The following IL19 variants were observed in gnomAD, a reference collection of about 807,000 sequenced individuals.
IL19 encodes interleukin-19.
In IL19, 15 loss-of-function variants were observed where a neutral mutation model predicts 19.5. That is an observed-to-expected ratio of 0.77 (90% CI 0.52 to 1.19). The LOEUF (loss-of-function observed/expected upper bound fraction) is 1.19. IL19 is among the 50% of genes most tolerant of loss of function. The pLI is 0.00. For synonymous variants in IL19, 78 were observed against 78.3 expected, an observed-to-expected ratio of 1.00 and a Z score of 0.02; for missense variants, 199 against 213.1, an observed-to-expected ratio of 0.93 and a Z score of 0.41.
chr1:206,800,995 T>A (rs116260461), intron 2 of IL19, among the ~76,000 whole-genome samples: 1 of 152,182 alleles, frequency 6.6e-6, no homozygotes, highest in Non-Finnish European at 1.5e-5. Flanking sequence ...ACCTCTGGCT[T>A]ATGGAGCGAG....
chr1:206,842,413 C>A, intron 6 of IL19, 114 bp from the exon 7 acceptor site: 2 of 654,074 alleles, frequency 3.1e-6, no homozygotes, highest in South Asian at 2.2e-5. Flanking sequence ...TATTTCGTGA[C>A]AAAAAAACAA....
chr1:206,821,560 A>G (rs946925778), intron 2 of IL19, among the ~76,000 whole-genome samples: 3 of 152,168 alleles, frequency 2.0e-5, no homozygotes, highest in African/African-American at 7.2e-5. Context: ...AATCCTCTGG[A>G]AGAGAAAGTG....
At chr1:206,835,691 T>G (rs763460583) in intron 2 of IL19, among the ~76,000 whole-genome samples, 1 of 152,246 alleles carries the variant, frequency 6.6e-6, no homozygotes, top group African/African-American at 2.4e-5. Context: ...GTGGGCACCA[T>G]GCAAAGTGCA....
chr1:206,815,269 A>C (rs542854684), intron 2 of IL19, among the ~76,000 whole-genome samples: 3 of 152,338 alleles, frequency 2.0e-5, no homozygotes, highest in South Asian at 2.1e-4. Context: ...GACCAAAAAA[A>C]CTTGGTTCTG....
intron 1 of IL19, among the ~76,000 whole-genome samples, chr1:206,780,269 G>C: frequency 6.6e-6 from 1 of 152,106 alleles, no homozygotes; most frequent in East Asian, 1.9e-4. Context: ...TCGAGGGCAG[G>C]GCCTGTATCT....
intron 2 of IL19, among the ~76,000 whole-genome samples, chr1:206,807,176 G>T (rs770604776): frequency 1.3e-5 from 2 of 152,150 alleles, no homozygotes; most frequent in African/African-American, 4.8e-5. Context: ...GCAGCATGGG[G>T]GTAACTGCTC....
chr1:206,780,806 G>A (rs1357624758), intron 1 of IL19, among the ~76,000 whole-genome samples: 2 of 152,114 alleles, frequency 1.3e-5, no homozygotes, highest in African/African-American at 4.8e-5. Context: ...GGGTTCTCTG[G>A]GCCTGCAGCA....
At chr1:206,828,055 ACTC>A (rs1340426470) in intron 2 of IL19, among the ~76,000 whole-genome samples, 1 of 9,728 alleles carries the variant, frequency 1.0e-4, no homozygotes, top group African/African-American at 2.9e-4. Flanking sequence ...GTGTGAGTCT[ACTC>A]TTTTAGTCTA....
intron 2 of IL19, among the ~76,000 whole-genome samples, chr1:206,831,805 C>T (rs570448984): frequency 3.3e-5 from 5 of 152,304 alleles, no homozygotes; most frequent in East Asian, 1.9e-4. Context: ...CCAGTACCAG[C>T]GATTATGGTA....
chr1:206,802,305 G>C (rs11119590), intron 2 of IL19, among the ~76,000 whole-genome samples: 4,224 of 152,202 alleles, frequency 0.028, 208 homozygotes, highest in African/African-American at 0.094. Flanking sequence ...CCTACAGTAA[G>C]TCAGTAGGTT....
chr1:206,802,666 ATTT>A (rs66469360), intron 2 of IL19, among the ~76,000 whole-genome samples: 1 of 148,814 alleles, frequency 6.7e-6, no homozygotes, highest in South Asian at 2.1e-4. Flanking sequence ...CAAATTTTCA[ATTT>A]TTTTTTTCTT....
intron 2 of IL19, among the ~76,000 whole-genome samples, chr1:206,820,956 A>G (rs1192306205): frequency 6.6e-6 from 1 of 152,170 alleles, no homozygotes; most frequent in African/African-American, 2.4e-5. Context: ...ACCTCTACCT[A>G]GGAGCCTTCC....
At chr1:206,808,481 G>A (rs1675910834) in intron 2 of IL19, among the ~76,000 whole-genome samples, 1 of 145,752 alleles carries the variant, frequency 6.9e-6, no homozygotes, top group Non-Finnish European at 1.5e-5. Flanking sequence ...GGAGAGGTAT[G>A]AAGGGAATTG....
chr1:206,788,226 G>A (rs533042237), intron 1 of IL19, among the ~76,000 whole-genome samples: 73 of 152,244 alleles, frequency 4.8e-4, no homozygotes, highest in African/African-American at 1.7e-3. Flanking sequence ...ACTGTATACT[G>A]TGTGCCCACC....
rs992223430 is a variant in IL19 at position 206,833,958 on chromosome 1, T to G, written c.-2-2703T>G. 4 of 985,462 alleles carry G rather than the reference T, an allele frequency of 4.1e-6. No homozygotes were observed. The Admixed American group carries it at 1.8e-4, about 45-fold the overall frequency. 61.0% of individuals were successfully genotyped at this position (985,462 alleles called of 1,614,324 possible). ...TGCAGCCAGAGGCACCTGCAGAGCC[T>G]CATGGGCTGGCTGCTGCAGGGTGTG... is the stretch of plus-strand genomic sequence containing the variant. On this transcript the variant is annotated intron_variant, in intron 2 of 6. Coordinates refer to ENST00000659997, the MANE Select transcript of IL19 (RefSeq NM_153758.5).
intron 1 of IL19, among the ~76,000 whole-genome samples, chr1:206,786,545 G>C (rs1279939272): frequency 6.6e-6 from 1 of 152,156 alleles, no homozygotes; most frequent in Non-Finnish European, 1.5e-5. Flanking sequence ...TGGGGCTGCT[G>C]TTTCATTTCA....
At chr1:206,821,972 A>G (rs1248991707) in intron 2 of IL19, among the ~76,000 whole-genome samples, 2 of 152,240 alleles carry the variant, frequency 1.3e-5, no homozygotes, top group African/African-American at 4.8e-5. Context: ...TGGGGTAGTC[A>G]GAAGCTGACA....
chr1:206,842,577 T>C lies in IL19; in HGVS notation c.489T>C (p.Phe163=), dbSNP rs748827538. The part of the protein sequence containing the change: ...AIKSLGELDV[F]LAWINKNHEV... ...AATCCCTGGGAGAGCTCGACGTCTTTCTAGCCTGGATTAATAAGAATCATG... is the reference window on the plus strand; with the variant it reads ...AATCCCTGGGAGAGCTCGACGTCTTCCTAGCCTGGATTAATAAGAATCATG... Residue 163 remains phenylalanine, a synonymous_variant, in exon 7 of 7, where the codon TTT becomes TTC. Transcript: ENST00000659997. 1.6e-5 allele frequency: 26 copies of C among 1,577,182 alleles called. No homozygotes were observed. The highest frequency in any genetic ancestry group is 2.2e-5 in the Non-Finnish European group (26 of 1,159,424).
At chr1:206,792,481 G>A (rs189333771) in intron 1 of IL19, among the ~76,000 whole-genome samples, 151 of 152,064 alleles carry the variant, frequency 9.9e-4, no homozygotes, top group African/African-American at 3.5e-3. Context: ...TTCTGAGATG[G>A]AGTCTTGCTC....
Sources: allele counts gnomAD v4.1 joint callset (sites outside exome capture counted in the v4.1 genomes callset), GRCh38; gene constraint gnomAD v4.1.1; transcripts MANE v1.5; gene names NCBI Gene and HGNC (gene_info 2026-07-23, HGNC 2026-07-21).